The following MDGA2 variants were observed in gnomAD, a reference collection of about 807,000 sequenced individuals.
MDGA2 encodes the protein MAM domain-containing glycosylphosphatidylinositol anchor protein 2.
In MDGA2, 40 loss-of-function variants were observed where a neutral mutation model predicts 117.8. That is an observed-to-expected ratio of 0.34 (90% CI 0.26 to 0.44). The LOEUF (loss-of-function observed/expected upper bound fraction) is 0.44. Ranked by LOEUF, MDGA2 falls within the 20% of genes least tolerant of loss-of-function variation. The probability of loss-of-function intolerance (pLI) is 1.00; values close to 1 mark genes in which losing one functional copy is unlikely to be tolerated. For missense variants in MDGA2, 1,123 were observed against 1,250.6 expected (o/e 0.90, Z 1.54); for synonymous variants, 452 against 439.0 (o/e 1.03, Z -0.37).
chr14:47,136,168 A>T (rs1882444274), intron 4 of MDGA2, among the ~76,000 whole-genome samples: 1 of 149,454 alleles, frequency 6.7e-6, no homozygotes, highest in Non-Finnish European at 1.5e-5. Context: ...TTTATCTGAC[A>T]GCCATTATTT....
intron 6 of MDGA2, among the ~76,000 whole-genome samples, chr14:47,065,542 G>A (rs188163359): frequency 1.3e-5 from 2 of 152,278 alleles, no homozygotes; most frequent in Admixed American, 1.3e-4. Flanking sequence ...CTAGGCTTGT[G>A]GTTTCCACAA....
chr14:47,522,694 T>A (rs1894895186), intron 1 of MDGA2, among the ~76,000 whole-genome samples: 1 of 152,216 alleles, frequency 6.6e-6, no homozygotes, highest in Non-Finnish European at 1.5e-5. Flanking sequence ...GCTAAATTAA[T>A]TTAAAAGTAA....
In MDGA2 at chr14:47,301,495, C is replaced by A. The variant is rs560636271; in HGVS notation, c.336G>T (p.Glu112Asp). The change falls in exon 2 of 17, where the codon GAG (glutamate) becomes GAT (aspartate). Residue 112 changes from glutamate to aspartate, a missense_variant. By Grantham distance (45) the Glu-to-Asp change is conservative. Coordinates refer to ENST00000399232, the MANE Select transcript of MDGA2 (RefSeq NM_001113498.3). ...HSGLACNIEE[E>D]RYSERVYTIR... ...TAGTGTAGACCCTTTCGGAGTAGCG[C>A]TCCTCTTCAATGTTACAGGCCAAGC... The A allele has an allele frequency of 6.4e-7, 1 of 1,551,674 alleles. No individual in the cohort carries two copies. The highest frequency in any genetic ancestry group is 2.4e-5 in the East Asian group (1 of 40,892).
At chr14:47,275,305 T>C (rs894972899) in intron 2 of MDGA2, among the ~76,000 whole-genome samples, 2 of 152,176 alleles carry the variant, frequency 1.3e-5, no homozygotes, top group African/African-American at 4.8e-5. Context: ...CCTAACAACT[T>C]TGGCATACCA....
chr14:47,359,030 C>G (rs534219885), intron 1 of MDGA2, among the ~76,000 whole-genome samples: 1 of 152,088 alleles, frequency 6.6e-6, no homozygotes. Flanking sequence ...TAAAGAAAAA[C>G]AAAGTTGAAG....
chr14:47,072,819 C>T (rs2138848512), intron 6 of MDGA2, among the ~76,000 whole-genome samples: 1 of 152,196 alleles, frequency 6.6e-6, no homozygotes, highest in Middle Eastern at 3.4e-3. Flanking sequence ...CATCAGCTCA[C>T]CCAGAAGGAT....
intron 8 of MDGA2, among the ~76,000 whole-genome samples, chr14:46,977,387 GA>G (rs955520870): frequency 2.7e-5 from 4 of 149,622 alleles, no homozygotes; most frequent in African/African-American, 9.8e-5. Flanking sequence ...ATTAATGCAA[GA>G]AAAAAAATAA....
At chr14:46,900,769 G>C (rs765540191) in intron 10 of MDGA2, among the ~76,000 whole-genome samples, 16 of 152,060 alleles carry the variant, frequency 1.1e-4, no homozygotes, top group African/African-American at 3.6e-4. Context: ...TTGCATTATG[G>C]TTACACAAAG....
chr14:47,410,293 T>G (rs1304097538), intron 1 of MDGA2, among the ~76,000 whole-genome samples: 1 of 152,086 alleles, frequency 6.6e-6, no homozygotes, highest in Admixed American at 6.6e-5. Flanking sequence ...GAGAGAAAAA[T>G]GAAGTAGTGA....
At chr14:47,013,311 A>G (rs1188405023) in intron 8 of MDGA2, among the ~76,000 whole-genome samples, 1 of 152,100 alleles carries the variant, frequency 6.6e-6, no homozygotes, top group African/African-American at 2.4e-5. Flanking sequence ...AGTAGATTCC[A>G]TTTCAAGAAA....
chr14:47,351,154 C>T (rs955680517), intron 1 of MDGA2, among the ~76,000 whole-genome samples: 1 of 149,064 alleles, frequency 6.7e-6, no homozygotes, highest in African/African-American at 2.5e-5. Context: ...TCTTGTCTCA[C>T]CCCCGCAACC....
chr14:47,652,474 T>C (rs1330431554), intron 1 of MDGA2, among the ~76,000 whole-genome samples: 1 of 152,216 alleles, frequency 6.6e-6, no homozygotes, highest in Non-Finnish European at 1.5e-5. Flanking sequence ...ACTCCAATGA[T>C]GGCAAAACTA....
intron 1 of MDGA2, among the ~76,000 whole-genome samples, chr14:47,593,851 G>A (rs1469063163): frequency 2.0e-5 from 3 of 152,036 alleles, no homozygotes; most frequent in Non-Finnish European, 4.4e-5. Flanking sequence ...AAACCTGCAC[G>A]TCCTGCACAT....
rs2139813413 is a variant in MDGA2, at chr14:47,301,582, C to T, written c.281-32G>A. ...AGTCAGGAAGAAGAGAGACAAGATACATGAAAAGGTAAGTCAGTGATCTTC... is the reference window on the plus strand; with the variant it reads ...AGTCAGGAAGAAGAGAGACAAGATATATGAAAAGGTAAGTCAGTGATCTTC... On this transcript the variant is annotated intron_variant, in intron 1 of 16. Transcript: ENST00000399232. 1.9e-6 allele frequency: 3 copies of T among 1,550,680 alleles called. No individual in the cohort carries two copies. The East Asian group carries it at 7.3e-5, about 38-fold the overall frequency.
In MDGA2 at chr14:46,908,772, A is replaced by C. The variant is rs376822880; in HGVS notation, c.2238+11240T>G. On this transcript the variant is annotated intron_variant, in intron 10 of 16. Transcript: ENST00000399232. ...CTCATATAGTTTTTAAGAATAAGTA[A>C]AATGTCAAATGAACATGAGAGAAAT... Among the ~76,000 whole-genome samples, 7 of 152,212 alleles carry C rather than the reference A, an allele frequency of 4.6e-5. No individual in the cohort carries two copies. In the South Asian group the frequency reaches 8.3e-4, roughly 18 times the overall value.
chr14:47,298,765 A>C (rs967532280), intron 2 of MDGA2, among the ~76,000 whole-genome samples: 8 of 150,052 alleles, frequency 5.3e-5, no homozygotes, highest in African/African-American at 2.0e-4. Context: ...GCTCACTGCA[A>C]GCTCCGCCTC....
chr14:47,664,303 C>G (rs1031550106), intron 1 of MDGA2, among the ~76,000 whole-genome samples: 2 of 152,086 alleles, frequency 1.3e-5, no homozygotes, highest in Non-Finnish European at 2.9e-5. Flanking sequence ...ATTACTTGGT[C>G]TCTGTTACCT....
intron 1 of MDGA2, among the ~76,000 whole-genome samples, chr14:47,507,722 T>C (rs1894544708): frequency 6.6e-6 from 1 of 152,246 alleles, no homozygotes; most frequent in African/African-American, 2.4e-5. Flanking sequence ...CAGATAATAC[T>C]TCTATGGATC....
intron 8 of MDGA2, among the ~76,000 whole-genome samples, chr14:46,990,440 T>C (rs1887044433): frequency 6.6e-6 from 1 of 152,050 alleles, no homozygotes; most frequent in South Asian, 2.1e-4. Flanking sequence ...GTTTCTATTC[T>C]CCTCTTGAAA....
Sources: allele counts gnomAD v4.1 joint callset (sites outside exome capture counted in the v4.1 genomes callset), GRCh38; gene constraint gnomAD v4.1.1; transcripts MANE v1.5; gene names NCBI Gene and HGNC (gene_info 2026-07-23, HGNC 2026-07-21).